The following BMP4 variants were observed in gnomAD, a reference collection of about 807,000 sequenced individuals.
The protein encoded by BMP4 is bone morphogenetic protein 2B.
A neutral mutation model predicts 29.6 loss-of-function variants in BMP4; 3 were observed. The ratio of observed to expected loss-of-function variants is 0.10; its 90% CI spans 0.05 to 0.26. The LOEUF (loss-of-function observed/expected upper bound fraction) is 0.26, where lower values mean the gene tolerates loss of function less well. BMP4 is among the 10% of genes least tolerant of loss of function. The pLI, the probability that BMP4 is intolerant of heterozygous loss-of-function variation, is 1.00. For synonymous variants in BMP4, 197 were observed against 213.2 expected, an observed-to-expected ratio of 0.92 and a Z score of 0.66; for missense variants, 455 against 550.2, an observed-to-expected ratio of 0.83 and a Z score of 1.73.
At position 53,955,745 on chromosome 14, in the gene BMP4, CT is replaced by C; in HGVS notation, c.-133+804del. The C allele has an allele frequency of 6.6e-6, 1 of 152,336 alleles. No individual in the cohort carries two copies. Among genetic ancestry groups the C allele is most frequent in the Non-Finnish European group, 1.5e-5 (1 of 68,072 alleles). 9.4% of individuals were successfully genotyped at this position (152,336 alleles called of 1,614,324 possible). A position where few individuals can be genotyped will look rare whatever the true frequency, so the allele number is the denominator to read the frequency against. Reference sequence around the variant, plus strand: ...GCAGGGACTCGGGAATCACGGGAACCTTTCCCGTCGGTTCCGGGCCTGGAGG... The same window carrying C: ...GCAGGGACTCGGGAATCACGGGAACCTTCCCGTCGGTTCCGGGCCTGGAGG... On this transcript the variant is annotated intron_variant, in intron 1 of 3. Transcript: ENST00000245451. The surrounding 1 kb of genome is among the most constrained non-coding windows in gnomAD (Gnocchi z 4.0).
chr14:53,953,597 G>T (rs1246311943), intron 1 of BMP4, 197 bp from the exon 2 acceptor site: 2 of 352,260 alleles, frequency 5.7e-6, no homozygotes, highest in African/African-American at 4.3e-5. Context: ...CGCGCCCGCC[G>T]CCCGAGCCTC....
rs372158739 is a variant in BMP4, at chr14:53,952,958, G to C, written c.-8+318C>G. 7.9e-5 allele frequency among the ~76,000 whole-genome samples: 12 copies of C among 152,292 alleles called. No homozygotes were observed. In the East Asian group the frequency reaches 1.5e-3, roughly 20 times the overall value. ...GTGGGAACGCGCCACGGAGACACTG[G>C]GGGCTCTCCCAGACAAGTTGGATAG... On this transcript the variant is annotated intron_variant, in intron 2 of 3. Transcript: ENST00000245451.
intron 3 of BMP4, 141 bp from the exon 4 acceptor site, chr14:53,951,029 G>T: frequency 8.5e-7 from 1 of 1,171,938 alleles, no homozygotes; most frequent in Non-Finnish European, 1.2e-6. Context: ...GGGAAAATAA[G>T]CATACCCCTT....
Position 53,950,850 on chromosome 14 carries a change from C to G in BMP4, c.409G>C (p.Ala137Pro), listed in dbSNP as rs756790824. 1 of 1,606,910 alleles carries G rather than the reference C, an allele frequency of 6.2e-7. No individual in the cohort carries two copies. The highest frequency in any genetic ancestry group is 2.2e-5 in the East Asian group (1 of 44,874). The change falls in exon 4 of 4, where the codon GCT (alanine) becomes CCT (proline). Residue 137 changes from alanine to proline, a missense_variant. Ala to Pro is a conservative substitution (Grantham distance 27, BLOSUM62 -1). Coordinates refer to ENST00000245451, the MANE Select transcript of BMP4 (RefSeq NM_001202.6). The surrounding 1 kb of genome is among the most constrained non-coding windows in gnomAD (Gnocchi z 5.4). ...ENIPGTSENS[A>P]FRFLFNLSSI... is the part of the protein sequence containing the mutation. ...CTGAGGTTAAAGAGGAAACGAAAAG[C>G]AGAGTTTTCACTGGTCCCTGGGATG...
intron 2 of BMP4, 51 bp downstream of exon 2, chr14:53,953,225 G>A (rs1895541012): frequency 5.1e-6 from 2 of 394,996 alleles, no homozygotes; most frequent in Admixed American, 4.4e-5. Flanking sequence ...AGCAGGGGTG[G>A]TGAGGGCAGA....
chr14:53,956,313 C>A (rs1363141114), intron 1 of BMP4, among the ~76,000 whole-genome samples: 4 of 152,216 alleles, frequency 2.6e-5, no homozygotes, highest in Admixed American at 6.5e-5. Context: ...GCTCTCCTGC[C>A]CCGCACTTCC....
rs201411996 is a variant in BMP4 at position 53,950,729 on chromosome 14, C to T, written c.530G>A (p.Arg177His). The T allele has an allele frequency of 3.7e-5, 60 of 1,613,954 alleles. No homozygotes were observed. In the African/African-American group the frequency reaches 3.7e-4, roughly 10 times the overall value. ...CTTCATAACCTCATAAATGTTTATA[C>T]GGTGGAAGCCCCTTTCCCAATCAGG... ...QGPDWERGFHRINIYEVMKPP... is the reference protein window; with the variant it reads ...QGPDWERGFHHINIYEVMKPP... Residue 177 changes from arginine (R) to histidine (H), a missense_variant, in exon 4 of 4, where the codon CGT (arginine) becomes CAT (histidine). Around this residue, in one of 4 missense-constraint regions of BMP4, gnomAD observed 249 missense variants for 284.6 expected, o/e 0.87. Transcript: ENST00000245451. The surrounding 1 kb of genome is among the most constrained non-coding windows in gnomAD (Gnocchi z 5.4).
At chr14:53,952,334 G>A (rs970283977) in intron 2 of BMP4, 105 bp from the exon 3 acceptor site, 2 of 1,367,356 alleles carry the variant, frequency 1.5e-6, no homozygotes, top group Non-Finnish European at 2.0e-6. Flanking sequence ...GAAATGGAGG[G>A]GCAAGATGGA....
intron 2 of BMP4, 25 bp downstream of exon 2, chr14:53,953,251 G>A (rs192269049): frequency 1.0e-5 from 4 of 397,612 alleles, no homozygotes; most frequent in Non-Finnish European, 1.8e-5. Flanking sequence ...TTCCGGGGAG[G>A]GGGAAGGAAG....
intron 1 of BMP4, 188 bp from the exon 2 acceptor site, chr14:53,953,588 G>C: frequency 2.8e-6 from 1 of 363,552 alleles, no homozygotes; most frequent in Non-Finnish European, 4.9e-6. Context: ...GCCAACCTCC[G>C]CGCCCGCCGC....
Position 53,949,950 on chromosome 14 carries a change from G to T in BMP4, c.*82C>A. On this transcript the variant is annotated 3_prime_UTR_variant, in exon 4 of 4. Coordinates refer to ENST00000245451, the MANE Select transcript of BMP4 (RefSeq NM_001202.6). ...AGCAGTCTGTGTAGTGTGTGGGTGA[G>T]TGGATGGGAACGTGTGTGTGTGGTG... 1 of 1,471,602 alleles carries T rather than the reference G, an allele frequency of 6.8e-7. No homozygotes were observed. The highest frequency in any genetic ancestry group is 1.4e-5 in the African/African-American group (1 of 71,508). The allele number at this position is 1,471,602 out of a possible 1,614,324, so 91.2% of individuals were successfully genotyped here.
chr14:53,956,770 G>A lies in BMP4; in HGVS notation c.-353C>T. ...GATGCCACACTCACCTAGCTTCCGG[G>A]CCGGGCTCCGCGCTCCTTCCCTCCC... On this transcript the variant is annotated 5_prime_UTR_variant, in exon 1 of 4. Coordinates refer to ENST00000245451, the MANE Select transcript of BMP4 (RefSeq NM_001202.6). 1 of 400,014 alleles carries A rather than the reference G, an allele frequency of 2.5e-6. No homozygotes were observed. The highest frequency in any genetic ancestry group is 4.4e-6 in the Non-Finnish European group (1 of 227,028). The allele number at this position is 400,014 out of a possible 1,614,324, so 24.8% of individuals were successfully genotyped here. A position where few individuals can be genotyped will look rare whatever the true frequency, so the allele number is the denominator to read the frequency against.
At chr14:53,953,213 C>T (rs1895540179) in intron 2 of BMP4, 63 bp downstream of exon 2, 2 of 393,102 alleles carry the variant, frequency 5.1e-6, no homozygotes, top group Non-Finnish European at 9.0e-6. Flanking sequence ...GGACAGCCGG[C>T]GAGCAGGGGT....
In BMP4 at chr14:53,950,809, G is replaced by C. The variant is rs767216159; in HGVS notation, c.450C>G (p.Asn150Lys). The change falls in exon 4 of 4, where the codon AAC (asparagine) becomes AAG (lysine). Residue 150 changes from asparagine to lysine, a missense_variant. Physicochemically the swap from Asn to Lys is moderately conservative, Grantham distance 94. Transcript: ENST00000245451. The surrounding 1 kb of genome is among the most constrained non-coding windows in gnomAD (Gnocchi z 5.4). Reference sequence around the variant, plus strand: ...GAAGCTCTGCAGAGGAGATCACCTCGTTCTCAGGGATGCTGCTGAGGTTAA... The same window carrying C: ...GAAGCTCTGCAGAGGAGATCACCTCCTTCTCAGGGATGCTGCTGAGGTTAA... ...FLFNLSSIPENEVISSAELRL... is the reference protein window; with the variant it reads ...FLFNLSSIPEKEVISSAELRL... The C allele has an allele frequency of 1.7e-5, 27 of 1,612,476 alleles. No individual in the cohort carries two copies. The highest frequency in any genetic ancestry group is 4.5e-5 in the East Asian group (2 of 44,882).
rs527591537 is a variant in BMP4, at chr14:53,951,874, C to T, written c.349G>A (p.Val117Met). ...PERPASRANT[V>M]RSFHHEEHLE... ...TGACCTTCGTGGTGGAAGCTCCTCA[C>T]GGTGTTGGCCCGGCTGGCCGGGCGC... is the stretch of plus-strand genomic sequence containing the variant. Residue 117 changes from valine to methionine, a missense_variant, in exon 3 of 4, where the codon GTG becomes ATG. Transcript: ENST00000245451. 1.3e-6 allele frequency: 2 copies of T among 1,599,886 alleles called. No homozygotes were observed. The highest frequency in any genetic ancestry group is 2.2e-5 in the East Asian group (1 of 44,856).
In BMP4 at chr14:53,950,911, G is replaced by A. The variant is rs1594793298; in HGVS notation, c.371-23C>T. 2.5e-6 allele frequency: 4 copies of A among 1,599,428 alleles called. No individual in the cohort carries two copies. The highest frequency in any genetic ancestry group is 4.5e-5 in the East Asian group (2 of 44,876). On this transcript the variant is annotated intron_variant, in intron 3 of 3. Coordinates refer to ENST00000245451, the MANE Select transcript of BMP4 (RefSeq NM_001202.6). This position sits in a 1 kb window ranked among gnomAD's most constrained non-coding sequence, Gnocchi z 5.4. Reference sequence around the variant, plus strand: ...GTTCTAGGCACAGTTAGGAAGGAAGGGGAAAAGAAAAAGCATATGAACTTT... The same window carrying A: ...GTTCTAGGCACAGTTAGGAAGGAAGAGGAAAAGAAAAAGCATATGAACTTT...
Position 53,956,801 on chromosome 14 carries a change from C to T in BMP4, c.-384G>A, listed in dbSNP as rs1163116710. On this transcript the variant is annotated 5_prime_UTR_variant, in exon 1 of 4. Coordinates refer to ENST00000245451, the MANE Select transcript of BMP4 (RefSeq NM_001202.6). The stretch of plus-strand genomic sequence containing the variant: ...CTCCGCGCTCCTTCCCTCCCTCCCT[C>T]CTCCTCTGCCTTCTCGCATCTTCCT... The T allele has an allele frequency of 7.5e-6, 3 of 399,352 alleles. No individual in the cohort carries two copies. Among genetic ancestry groups the T allele is most frequent in the East Asian group, 7.1e-5 (2 of 28,100 alleles). 24.7% of individuals were successfully genotyped at this position (399,352 alleles called of 1,614,324 possible). A position where few individuals can be genotyped will look rare whatever the true frequency, so the allele number is the denominator to read the frequency against.
At chr14:53,956,063 C>CT (rs1895705909) in intron 1 of BMP4, 1 of 152,882 alleles carries the variant, frequency 6.5e-6, no homozygotes, top group Admixed American at 6.5e-5. Context: ...GGCGCGCACT[C>CT]TCCAGAGGCC....
Position 53,953,289 on chromosome 14 carries a change from G to A in BMP4, c.-21C>T. The A allele has an allele frequency of 5.0e-6, 2 of 399,094 alleles. No individual in the cohort carries two copies. The highest frequency in any genetic ancestry group is 8.8e-6 in the Non-Finnish European group (2 of 226,056). The allele number at this position is 399,094 out of a possible 1,614,324, so 24.7% of individuals were successfully genotyped here. ...GTGTCTACTCACTGACAGAAAACAA[G>A]GCATATAATAACAGTCCATGATTCT... On this transcript the variant is annotated 5_prime_UTR_variant, in exon 2 of 4. Coordinates refer to ENST00000245451, the MANE Select transcript of BMP4 (RefSeq NM_001202.6).
Sources: allele counts gnomAD v4.1 joint callset (sites outside exome capture counted in the v4.1 genomes callset), GRCh38; gene constraint gnomAD v4.1.1; regional missense constraint gnomAD v4.1.1; non-coding constraint Gnocchi (gnomAD v3.1); transcripts MANE v1.5; gene names NCBI Gene and HGNC (gene_info 2026-07-23, HGNC 2026-07-21).